NR6A1: variants seen among roughly 807,000 people sequenced by gnomAD.
The protein encoded by NR6A1 is nuclear receptor subfamily 6 group A member 1.
In NR6A1, 7 loss-of-function variants were observed where a neutral mutation model predicts 59.1. The observed-to-expected ratio is 0.12, with a 90% confidence interval of 0.07 to 0.22. The LOEUF (loss-of-function observed/expected upper bound fraction) is 0.22, where lower values mean the gene tolerates loss of function less well. NR6A1 is among the 10% of genes least tolerant of loss of function. NR6A1 has a pLI of 1.00. For synonymous variants in NR6A1, 243 were observed against 236.1 expected (o/e 1.03, Z -0.27); for missense variants, 468 against 611.6 (o/e 0.77, Z 2.48).
At chr9:124,682,375 A>G (rs1838193966) in intron 2 of NR6A1, among the ~76,000 whole-genome samples, 1 of 152,178 alleles carries the variant, frequency 6.6e-6, no homozygotes, top group African/African-American at 2.4e-5. Flanking sequence ...AATTGTCTGA[A>G]CTGACTATTA....
chr9:124,535,061 T>G (rs1833215323), intron 7 of NR6A1, among the ~76,000 whole-genome samples: 1 of 151,830 alleles, frequency 6.6e-6, no homozygotes, highest in African/African-American at 2.4e-5. Context: ...GAGGCGGAGC[T>G]TGCAGTGAGC....
chr9:124,588,596 T>C (rs1021684051), intron 2 of NR6A1, among the ~76,000 whole-genome samples: 2 of 146,544 alleles, frequency 1.4e-5, no homozygotes, highest in African/African-American at 2.5e-5. Flanking sequence ...CGTGAGCCAC[T>C]GCACCCAGGA....
intron 2 of NR6A1, among the ~76,000 whole-genome samples, chr9:124,663,373 T>A (rs566306826): frequency 7.3e-4 from 111 of 152,330 alleles, no homozygotes; most frequent in African/African-American, 2.5e-3. Flanking sequence ...ATCTTATGCC[T>A]GCTTGGTGCA....
chr9:124,651,787 C>T (rs1245863973), intron 2 of NR6A1, among the ~76,000 whole-genome samples: 4 of 152,144 alleles, frequency 2.6e-5, no homozygotes, highest in African/African-American at 9.7e-5. Context: ...GTCTCTTTTG[C>T]AAAGAAAATA....
intron 2 of NR6A1, among the ~76,000 whole-genome samples, chr9:124,677,583 T>C (rs1423230759): frequency 6.6e-6 from 1 of 152,052 alleles, no homozygotes; most frequent in Non-Finnish European, 1.5e-5. Flanking sequence ...TTTTGAGATA[T>C]AATTTACATA....
chr9:124,644,431 T>C (rs1031444871), intron 2 of NR6A1, among the ~76,000 whole-genome samples: 95 of 152,028 alleles, frequency 6.2e-4, no homozygotes, highest in African/African-American at 2.2e-3. Context: ...TTTGTATTTT[T>C]AGTAGAGACA....
intron 2 of NR6A1, chr9:124,658,684 G>A (rs1837332680): frequency 6.6e-6 from 1 of 152,114 alleles, no homozygotes; most frequent in East Asian, 1.9e-4. Context: ...TTTTGACAAA[G>A]ATCCAACTGT....
intron 2 of NR6A1, among the ~76,000 whole-genome samples, chr9:124,626,460 A>G (rs1370200202): frequency 6.6e-6 from 1 of 152,262 alleles, no homozygotes; most frequent in Non-Finnish European, 1.5e-5. Context: ...AGTTTTGTTT[A>G]GAATTCAAAT....
chr9:124,626,649 C>A (rs1836249139), intron 2 of NR6A1, among the ~76,000 whole-genome samples: 2 of 152,082 alleles, frequency 1.3e-5, no homozygotes. Context: ...AATACTGGAG[C>A]TTCAGGCGGG....
At chr9:124,637,060 G>A (rs777019339) in intron 2 of NR6A1, among the ~76,000 whole-genome samples, 7 of 152,094 alleles carry the variant, frequency 4.6e-5, no homozygotes, top group Admixed American at 6.5e-5. Context: ...ATGGGAACCC[G>A]GAGGCAGGAG....
Position 124,571,697 on chromosome 9 carries a change from T to A in NR6A1, c.143-17127A>T, listed in dbSNP as rs555652646. ...CAAAGGATATTTGTCTAGGTGGTAG[T>A]GGTGATCATGAGGGTTAGGGGATGA... On this transcript the variant is annotated intron_variant, in intron 2 of 9. Coordinates refer to ENST00000487099, the MANE Select transcript of NR6A1 (RefSeq NM_033334.4). Among the ~76,000 whole-genome samples the A allele has an allele frequency of 4.6e-5, 7 of 152,236 alleles. No homozygotes were observed. In the South Asian group the frequency reaches 1.5e-3, roughly 32 times the overall value.
At chr9:124,714,692 GATACAA>G (rs1839366060) in intron 2 of NR6A1, among the ~76,000 whole-genome samples, 1 of 151,914 alleles carries the variant, frequency 6.6e-6, no homozygotes, top group African/African-American at 2.4e-5. Flanking sequence ...AATGTCACAA[GATACAA>G]ATACATAAAA....
intron 2 of NR6A1, among the ~76,000 whole-genome samples, chr9:124,595,179 A>G (rs1353953743): frequency 1.3e-5 from 2 of 152,250 alleles, no homozygotes; most frequent in African/African-American, 4.8e-5. Flanking sequence ...TATTCATTAC[A>G]TACACACACA....
chr9:124,738,529 T>C (rs929370402), intron 1 of NR6A1, among the ~76,000 whole-genome samples: 1 of 152,312 alleles, frequency 6.6e-6, no homozygotes, highest in Admixed American at 6.5e-5. Context: ...GCAAAGGTTA[T>C]ATTCACTTGC....
intron 2 of NR6A1, among the ~76,000 whole-genome samples, chr9:124,598,030 T>G (rs560912401): frequency 1.4e-4 from 21 of 152,230 alleles, no homozygotes; most frequent in African/African-American, 2.9e-4. Flanking sequence ...GTAAAAATTT[T>G]GGGTAGAGAT....
rs1282210587 is a variant in NR6A1, at chr9:124,540,082, T to G, written c.547A>C (p.Arg183=). ...GDSDHSSPGN[R]ASESNQPSPG... is the part of the protein sequence containing the mutation. ...GAGGGCTGGTTGCTCTCCGAAGCCC[T>G]GTTCCCAGGGGAACTGTGGTCACTA... is the stretch of plus-strand genomic sequence containing the variant. Residue 183 remains arginine (R), a synonymous_variant, in exon 5 of 10, where the codon AGG becomes CGG. Coordinates refer to ENST00000487099, the MANE Select transcript of NR6A1 (RefSeq NM_033334.4). The G allele has an allele frequency of 6.2e-7, 1 of 1,613,862 alleles. No homozygotes were observed. The highest frequency in any genetic ancestry group is 1.7e-5 in the Admixed American group (1 of 59,998).
chr9:124,647,260 A>G (rs545925556), intron 2 of NR6A1, among the ~76,000 whole-genome samples: 58 of 152,292 alleles, frequency 3.8e-4, no homozygotes, highest in African/African-American at 1.3e-3. Context: ...ATTGTTAGCT[A>G]GACTAAGAAA....
At chr9:124,767,675 T>C (rs1840977747) in intron 1 of NR6A1, among the ~76,000 whole-genome samples, 1 of 152,120 alleles carries the variant, frequency 6.6e-6, no homozygotes, top group African/African-American at 2.4e-5. Context: ...AAAAGTTAAA[T>C]CATCATGGGA....
intron 2 of NR6A1, among the ~76,000 whole-genome samples, chr9:124,572,909 A>G (rs1029088478): frequency 6.6e-6 from 1 of 152,210 alleles, no homozygotes; most frequent in Non-Finnish European, 1.5e-5. Flanking sequence ...ATGAGCATCA[A>G]AAAGCATTAA....
Sources: gnomAD v4.1 joint callset for allele counts (sites outside exome capture counted in the v4.1 genomes callset) on GRCh38, gnomAD v4.1.1 for gene constraint, MANE v1.5 for transcripts, NCBI Gene and HGNC (gene_info 2026-07-23, HGNC 2026-07-21) for gene names.